NBEA: variants seen among roughly 807,000 people sequenced by gnomAD.
NBEA encodes the protein neurobeachin.
NBEA carries 44 observed loss-of-function variants against 343.4 expected under a neutral mutation model. The observed-to-expected ratio is 0.13, with a 90% CI of 0.10 to 0.16. The LOEUF is 0.16. NBEA is among the 10% of genes least tolerant of loss of function. NBEA has a pLI of 1.00. For missense variants in NBEA, 2,555 were observed against 3,631.3 expected, an observed-to-expected ratio of 0.70 and a Z score of 7.62; for synonymous variants, 1,175 against 1,238.7, an observed-to-expected ratio of 0.95 and a Z score of 1.08.
chr13:35,029,478 T>C (rs1225068343), intron 1 of NBEA, among the ~76,000 whole-genome samples: 1 of 151,584 alleles, frequency 6.6e-6, no homozygotes, highest in African/African-American at 2.4e-5. Context: ...GTAGAAACTT[T>C]CCTTATGGCA....
chr13:35,220,806 T>G (rs1566478215), intron 33 of NBEA, among the ~76,000 whole-genome samples: 2 of 152,182 alleles, frequency 1.3e-5, no homozygotes. Context: ...CTTCAGGTAT[T>G]GCTTCTGACC....
intron 38 of NBEA, among the ~76,000 whole-genome samples, chr13:35,390,622 A>G (rs1156356513): frequency 1.3e-5 from 2 of 152,138 alleles, no homozygotes; most frequent in Non-Finnish European, 2.9e-5. Flanking sequence ...GGGAAACTTA[A>G]ATAATGCTAA....
chr13:35,010,738 AAAAATATATATATATATATAT>A (rs2061460215), intron 1 of NBEA, among the ~76,000 whole-genome samples: 2 of 32,068 alleles, frequency 6.2e-5, no homozygotes, highest in Admixed American at 8.7e-4. Flanking sequence ...AAAAAAAAAA[AAAAATATATATATATATATAT>A]ATATATATAT....
At chr13:34,996,855 T>C (rs1010772018) in intron 1 of NBEA, among the ~76,000 whole-genome samples, 1 of 152,166 alleles carries the variant, frequency 6.6e-6, no homozygotes, top group Non-Finnish European at 1.5e-5. Flanking sequence ...TAAAAATATA[T>C]GTGACGAAGA....
At chr13:34,999,494 A>T (rs2061051436) in intron 1 of NBEA, among the ~76,000 whole-genome samples, 1 of 152,096 alleles carries the variant, frequency 6.6e-6, no homozygotes, top group African/African-American at 2.4e-5. Flanking sequence ...TTGCTTCTAG[A>T]CCACTTTTTT....
chr13:35,361,763 GA>G lies in NBEA; in HGVS notation c.6179+9446del, dbSNP rs999071624. ...TCAGACTGGGAAAACCATAGACTGG[GA>G]AAAAATACTTTTAAAACTTAACAAT... On this transcript the variant is annotated intron_variant, in intron 38 of 58. Transcript: ENST00000379939. 8.6e-5 allele frequency among the ~76,000 whole-genome samples: 13 copies of G among 152,000 alleles called. No homozygotes were observed. The East Asian group carries it at 2.1e-3, about 25-fold the overall frequency.
Position 35,582,249 on chromosome 13 carries a change from G to A in NBEA, c.7036-1649G>A, listed in dbSNP as rs567678421. On this transcript the variant is annotated intron_variant, in intron 45 of 58. Transcript: ENST00000379939. ...TGCAGCGAGCCCAGATCGCGCCACTGCACTCCAGCCTAGGCAACAGTGCGA... is the reference window on the plus strand; with the variant it reads ...TGCAGCGAGCCCAGATCGCGCCACTACACTCCAGCCTAGGCAACAGTGCGA... Among the ~76,000 whole-genome samples the A allele has an allele frequency of 1.8e-4, 28 of 152,162 alleles. 1 individual carries two copies. The Middle Eastern group carries it at 0.017, about 92-fold the overall frequency.
At chr13:35,404,688 G>C (rs1427215059) in intron 38 of NBEA, among the ~76,000 whole-genome samples, 1 of 150,238 alleles carries the variant, frequency 6.7e-6, no homozygotes, top group Non-Finnish European at 1.5e-5. Context: ...CACCAGCATG[G>C]CACATGTATA....
chr13:35,613,353 C>A (rs2082604187), intron 48 of NBEA, among the ~76,000 whole-genome samples: 2 of 150,768 alleles, frequency 1.3e-5, no homozygotes, highest in Admixed American at 1.3e-4. Flanking sequence ...CCAGGTTCAT[C>A]CATGTTGCCA....
At chr13:35,364,347 G>A (rs1392866577) in intron 38 of NBEA, among the ~76,000 whole-genome samples, 1 of 151,866 alleles carries the variant, frequency 6.6e-6, no homozygotes, top group Non-Finnish European at 1.5e-5. Flanking sequence ...TTCTTCCAGG[G>A]CTGTGTCTTG....
chr13:35,623,964 G>A (rs1429905716), intron 48 of NBEA, among the ~76,000 whole-genome samples: 1 of 151,978 alleles, frequency 6.6e-6, no homozygotes, highest in African/African-American at 2.4e-5. Context: ...AAGAAATAAG[G>A]CTTATTTCAT....
At chr13:35,521,361 A>G (rs1050744606) in intron 41 of NBEA, among the ~76,000 whole-genome samples, 15 of 152,176 alleles carry the variant, frequency 9.9e-5, no homozygotes, top group African/African-American at 3.1e-4. Context: ...TTCCATTATT[A>G]TTACAAGTAT....
chr13:35,314,221 G>A (rs1348643436), intron 36 of NBEA, among the ~76,000 whole-genome samples: 1 of 152,074 alleles, frequency 6.6e-6, no homozygotes, highest in Non-Finnish European at 1.5e-5. Flanking sequence ...ACTATCTTTA[G>A]AAAAGTAAAG....
At chr13:35,479,946 AT>A in intron 41 of NBEA, among the ~76,000 whole-genome samples, 1 of 151,968 alleles carries the variant, frequency 6.6e-6, no homozygotes, top group East Asian at 1.9e-4. Flanking sequence ...TGATTTAATG[AT>A]AGTTTGAAAT....
chr13:34,955,216 C>G (rs970981012), intron 1 of NBEA, among the ~76,000 whole-genome samples: 1 of 151,666 alleles, frequency 6.6e-6, no homozygotes. Context: ...ATGGAAACTT[C>G]CGTTTTTACT....
intron 35 of NBEA, among the ~76,000 whole-genome samples, chr13:35,297,959 A>C (rs1016198612): frequency 1.3e-5 from 2 of 151,662 alleles, no homozygotes; most frequent in Non-Finnish European, 1.5e-5. Flanking sequence ...TAGGGAGGCC[A>C]GTCCCCCTAC....
At chr13:35,006,919 A>T (rs1478956894) in intron 1 of NBEA, among the ~76,000 whole-genome samples, 1 of 152,148 alleles carries the variant, frequency 6.6e-6, no homozygotes, top group East Asian at 1.9e-4. Flanking sequence ...CGCCTGGCTG[A>T]TTTTTGTATT....
At position 35,044,955 on chromosome 13, in the gene NBEA, G is replaced by A; in HGVS notation, c.535G>A (p.Val179Ile). 1 of 1,609,738 alleles carries A rather than the reference G, an allele frequency of 6.2e-7. No homozygotes were observed. The highest frequency in any genetic ancestry group is 8.5e-7 in the Non-Finnish European group (1 of 1,177,652). The stretch of plus-strand genomic sequence containing the variant: ...TTTATTTTCCTTTGAAGATCTTCTA[G>A]TTGATATGTTGGGGGTTCTTGCCAG... ...AVDDMIADLL[V>I]DMLGVLASYS... Residue 179 changes from valine (V) to isoleucine (I), a missense_variant, in exon 3 of 59, where the codon GTT becomes ATT. Coordinates refer to ENST00000379939, the MANE Select transcript of NBEA (RefSeq NM_001385012.1).
At chr13:35,359,295 C>T (rs1417530061) in intron 38 of NBEA, among the ~76,000 whole-genome samples, 1 of 152,102 alleles carries the variant, frequency 6.6e-6, no homozygotes, top group Non-Finnish European at 1.5e-5. Context: ...TTTAACACTG[C>T]TTCCCCATAT....
Sources: gnomAD v4.1 joint callset for allele counts (sites outside exome capture counted in the v4.1 genomes callset) on GRCh38, gnomAD v4.1.1 for gene constraint, MANE v1.5 for transcripts, NCBI Gene and HGNC (gene_info 2026-07-23, HGNC 2026-07-21) for gene names.